Variants in STPG2 observed in about 807,000 individuals in gnomAD.
The protein encoded by STPG2 is sperm-tail PG-rich repeat-containing protein 2.
Under a neutral mutation model 54.2 loss-of-function variants are expected in STPG2, and 56 were observed. The ratio of observed to expected loss-of-function variants is 1.03; its 90% CI spans 0.83 to 1.29. The LOEUF is 1.29. STPG2 is among the 50% of genes most tolerant of loss of function. The pLI is 0.00. For synonymous variants in STPG2, 200 were observed against 181.8 expected (o/e 1.10, Z -0.81); for missense variants, 596 against 544.9 (o/e 1.09, Z -0.93).
chr4:97,707,261 C>T (rs998206843), intron 10 of STPG2, among the ~76,000 whole-genome samples: 3 of 152,106 alleles, frequency 2.0e-5, no homozygotes, highest in Admixed American at 2.0e-4. Context: ...GGTGGCTTAA[C>T]GCCTATAATC....
chr4:97,902,495 G>C (rs902999503), intron 8 of STPG2, among the ~76,000 whole-genome samples: 1 of 152,016 alleles, frequency 6.6e-6, no homozygotes, highest in Non-Finnish European at 1.5e-5. Context: ...ACTTGAATAA[G>C]ATATTTTTCT....
chr4:97,632,246 G>A (rs1160044563), intron 10 of STPG2, among the ~76,000 whole-genome samples: 1 of 148,170 alleles, frequency 6.7e-6, no homozygotes, highest in Non-Finnish European at 1.5e-5. Flanking sequence ...TTGTTTTTAG[G>A]TTTACTAAAA....
At chr4:97,785,590 T>A (rs1319703600) in intron 9 of STPG2, among the ~76,000 whole-genome samples, 3 of 152,060 alleles carry the variant, frequency 2.0e-5, no homozygotes, top group African/African-American at 7.2e-5. Flanking sequence ...AATGTTATAG[T>A]GGTTATGACA....
chr4:97,639,839 A>G (rs1721705016), intron 10 of STPG2, among the ~76,000 whole-genome samples: 1 of 152,050 alleles, frequency 6.6e-6, no homozygotes, highest in African/African-American at 2.4e-5. Context: ...AATAATAAAA[A>G]TAAAACTAAC....
At chr4:97,443,527 T>C (rs1729142370) in intron 4 of STPG2, among the ~76,000 whole-genome samples, 1 of 152,100 alleles carries the variant, frequency 6.6e-6, no homozygotes, top group Non-Finnish European at 1.5e-5. Flanking sequence ...GAAGAAAAGA[T>C]TGGAGAAGGG....
At chr4:97,652,601 C>G (rs1287885565) in intron 10 of STPG2, among the ~76,000 whole-genome samples, 1 of 151,876 alleles carries the variant, frequency 6.6e-6, no homozygotes, top group Non-Finnish European at 1.5e-5. Flanking sequence ...ATTCTTAGCA[C>G]TGTACACTGG....
chr4:97,884,060 C>T (rs138440848), intron 8 of STPG2, among the ~76,000 whole-genome samples: 83 of 152,108 alleles, frequency 5.5e-4, no homozygotes, highest in African/African-American at 1.8e-3. Context: ...GTCCACAATA[C>T]GTTCTGGAGA....
chr4:97,953,440 T>C (rs932664196), intron 7 of STPG2, among the ~76,000 whole-genome samples: 1 of 152,198 alleles, frequency 6.6e-6, no homozygotes, highest in Non-Finnish European at 1.5e-5. Flanking sequence ...GCCATGCTTC[T>C]CCCAGTCTGC....
chr4:97,578,605 T>C (rs1000164917), intron 10 of STPG2, among the ~76,000 whole-genome samples: 1 of 152,062 alleles, frequency 6.6e-6, no homozygotes, highest in Non-Finnish European at 1.5e-5. Context: ...CACTTTTTTT[T>C]TTTTTTTGCC....
At chr4:98,130,951 C>CAA (rs1560693211) in intron 2 of STPG2, among the ~76,000 whole-genome samples, 2 of 100,538 alleles carry the variant, frequency 2.0e-5, no homozygotes, top group African/African-American at 3.9e-5. Context: ...AAAAAAAAAA[C>CAA]GACTTTCCAA....
chr4:97,472,872 T>G (rs111456131), intron 4 of STPG2, among the ~76,000 whole-genome samples: 6,029 of 152,276 alleles, frequency 0.04, 305 homozygotes, highest in African/African-American at 0.12. Context: ...TGAAGCCATG[T>G]TAGAAGAACA....
chr4:97,793,764 C>T (rs959161773), intron 9 of STPG2, among the ~76,000 whole-genome samples: 3 of 151,946 alleles, frequency 2.0e-5, no homozygotes, highest in Admixed American at 6.6e-5. Flanking sequence ...TGATGAAATA[C>T]AAACTCTATT....
intron 10 of STPG2, among the ~76,000 whole-genome samples, chr4:97,637,817 C>A (rs1721611021): frequency 6.6e-6 from 1 of 152,118 alleles, no homozygotes; most frequent in Non-Finnish European, 1.5e-5. Context: ...AGGAGAACTA[C>A]AAACTGCTGC....
intron 10 of STPG2, among the ~76,000 whole-genome samples, chr4:97,619,649 C>T (rs1041474018): frequency 1.3e-5 from 2 of 151,536 alleles, no homozygotes; most frequent in African/African-American, 4.9e-5. Flanking sequence ...GCCCTCCACT[C>T]AACACATATA....
At chr4:97,800,403 C>T (rs1439459818) in intron 9 of STPG2, among the ~76,000 whole-genome samples, 1 of 152,220 alleles carries the variant, frequency 6.6e-6, no homozygotes, top group African/African-American at 2.4e-5. Flanking sequence ...TTCTAACGGT[C>T]AGGGCCCTTG....
chr4:97,788,529 T>C (rs1388065395), intron 9 of STPG2, among the ~76,000 whole-genome samples: 1 of 152,122 alleles, frequency 6.6e-6, no homozygotes, highest in Non-Finnish European at 1.5e-5. Flanking sequence ...AGTGCTGCCA[T>C]AAACATCACA....
chr4:97,622,445 G>A (rs1378665638), intron 10 of STPG2, among the ~76,000 whole-genome samples: 2 of 142,862 alleles, frequency 1.4e-5, no homozygotes, highest in East Asian at 1.9e-4. Context: ...TACAAAATCA[G>A]TGTAAAAAAA....
intron 5 of STPG2, among the ~76,000 whole-genome samples, chr4:98,069,446 G>T (rs912630265): frequency 1.3e-5 from 2 of 151,900 alleles, no homozygotes. Flanking sequence ...TGCAATTAGT[G>T]TGCCCTTAAT....
At chr4:97,989,216 C>T (rs1028242427) in intron 5 of STPG2, among the ~76,000 whole-genome samples, 2 of 152,096 alleles carry the variant, frequency 1.3e-5, no homozygotes, top group African/African-American at 4.8e-5. Flanking sequence ...AACTTCTACA[C>T]AATTCTGTGG....
Sources: allele counts gnomAD v4.1 joint callset (sites outside exome capture counted in the v4.1 genomes callset), GRCh38; gene constraint gnomAD v4.1.1; transcripts MANE v1.5; gene names NCBI Gene and HGNC (gene_info 2026-07-23, HGNC 2026-07-21).